The following SERPINB12 variants were observed in gnomAD, a reference collection of about 807,000 sequenced individuals.
SERPINB12 encodes serpin family B member 12.
Under a neutral mutation model 41.1 loss-of-function variants are expected in SERPINB12, and 57 were observed. The ratio of observed to expected loss-of-function variants is 1.39; its 90% CI spans 1.12 to 1.73. SERPINB12 has a LOEUF of 1.73. Among genes scored for constraint, SERPINB12 ranks in the 40% most tolerant of loss-of-function variants. The pLI, the probability that SERPINB12 is intolerant of heterozygous loss-of-function variation, is 0.00. For missense variants in SERPINB12, 536 were observed against 501.9 expected (o/e 1.07, Z -0.65); for synonymous variants, 180 against 181.3 (o/e 0.99, Z 0.06).
rs528811994 is a variant in SERPINB12 at position 63,568,725 on chromosome 18, C to T, written c.*1714C>T. Among the ~76,000 whole-genome samples the T allele has an allele frequency of 1.3e-4, 20 of 152,272 alleles. No individual in the cohort carries two copies. Among genetic ancestry groups the T allele is most frequent in the African/African-American group, 4.8e-4 (20 of 41,554 alleles). On this transcript the variant is annotated 3_prime_UTR_variant, in exon 8 of 8. Transcript: ENST00000382768. ...TGCCACCAGTCGTTCAGTGTGGCCA[C>T]GCAGTTTTTTTGCAGAAGGCAGGTG...
chr18:63,539,217 C>T (rs1910227840), upstream of SERPINB12, among the ~76,000 whole-genome samples: 1 of 152,098 alleles, frequency 6.6e-6, no homozygotes. Context: ...CCAAGGCCCT[C>T]CCAAAGGCTC....
At chr18:63,566,086 AG>A (rs1288677428) in intron 7 of SERPINB12, among the ~76,000 whole-genome samples, 2 of 152,238 alleles carry the variant, frequency 1.3e-5, no homozygotes, top group African/African-American at 4.8e-5. Flanking sequence ...GGAGAAGCTC[AG>A]CTACAGATTG....
intron 2 of SERPINB12, among the ~76,000 whole-genome samples, chr18:63,556,630 A>G (rs990376827): frequency 2.0e-5 from 3 of 152,000 alleles, no homozygotes; most frequent in African/African-American, 7.3e-5. Context: ...CTTTTACTCT[A>G]TGATTGCTAA....
chr18:63,521,043 A>G, the SERPINB12 span, among the ~76,000 whole-genome samples: 1 of 152,222 alleles, frequency 6.6e-6, no homozygotes, highest in Non-Finnish European at 1.5e-5. Flanking sequence ...ATCAATACCA[A>G]GGGTGGCATC....
chr18:63,535,696 T>G, the SERPINB12 span, among the ~76,000 whole-genome samples: 1 of 152,204 alleles, frequency 6.6e-6, no homozygotes, highest in Non-Finnish European at 1.5e-5. Context: ...CTGTGGATTA[T>G]GTTACATTTC....
chr18:63,528,831 C>A, the SERPINB12 span, among the ~76,000 whole-genome samples: 6 of 152,254 alleles, frequency 3.9e-5, no homozygotes, highest in African/African-American at 1.2e-4. Context: ...CCAAAAAAGA[C>A]TTTATAGTCT....
At chr18:63,564,803 G>C (rs1014347116) in intron 6 of SERPINB12, among the ~76,000 whole-genome samples, 15 of 152,204 alleles carry the variant, frequency 9.9e-5, no homozygotes, top group African/African-American at 3.6e-4. Flanking sequence ...GCCCTACAGT[G>C]GGACAGCTGG....
chr18:63,553,541 TTTC>T (rs1910586567), intron 1 of SERPINB12, among the ~76,000 whole-genome samples: 1 of 152,188 alleles, frequency 6.6e-6, no homozygotes, highest in African/African-American at 2.4e-5. Context: ...TCATTCAGTC[TTTC>T]TAACCAACCC....
the SERPINB12 span, among the ~76,000 whole-genome samples, chr18:63,532,992 T>A: frequency 6.6e-6 from 1 of 152,296 alleles, no homozygotes; most frequent in East Asian, 1.9e-4. Context: ...TTCTTCTTTT[T>A]TTTCGAGACA....
At chr18:63,521,272 A>G in the SERPINB12 span, among the ~76,000 whole-genome samples, 1 of 152,136 alleles carries the variant, frequency 6.6e-6, no homozygotes, top group Non-Finnish European at 1.5e-5. Context: ...GATTCTGACA[A>G]CGTTCACATT....
intron 1 of SERPINB12, among the ~76,000 whole-genome samples, chr18:63,551,746 AT>A (rs1355557528): frequency 7.9e-5 from 12 of 152,158 alleles, no homozygotes; most frequent in Admixed American, 5.9e-4. Context: ...TTACAATTAC[AT>A]TTTGGTATTG....
At chr18:63,519,725 C>T in the SERPINB12 span, among the ~76,000 whole-genome samples, 9,182 of 152,168 alleles carry the variant, frequency 0.06, 581 homozygotes, top group East Asian at 0.29. Context: ...CTTGTTGTCA[C>T]GAGATGCCTC....
intron 1 of SERPINB12, among the ~76,000 whole-genome samples, chr18:63,546,558 C>A (rs1351747914): frequency 1.3e-5 from 2 of 152,046 alleles, no homozygotes; most frequent in South Asian, 2.1e-4. Flanking sequence ...TAGAATAATG[C>A]AAAAATTCAA....
chr18:63,536,022 CA>C, the SERPINB12 span, among the ~76,000 whole-genome samples: 1 of 151,570 alleles, frequency 6.6e-6, no homozygotes, highest in African/African-American at 2.4e-5. Flanking sequence ...GTATTCAGAA[CA>C]TATAAATATT....
At chr18:63,551,035 C>T (rs990960033) in intron 1 of SERPINB12, among the ~76,000 whole-genome samples, 9 of 151,958 alleles carry the variant, frequency 5.9e-5, no homozygotes, top group Non-Finnish European at 1.2e-4. Context: ...TTTGGGAGGC[C>T]GAGGTGGGCA....
At chr18:63,528,312 C>T in the SERPINB12 span, among the ~76,000 whole-genome samples, 1 of 151,830 alleles carries the variant, frequency 6.6e-6, no homozygotes, top group East Asian at 1.9e-4. Flanking sequence ...AAATTTTGAA[C>T]AGATAGCTGG....
the SERPINB12 span, among the ~76,000 whole-genome samples, chr18:63,524,504 G>A: frequency 4.0e-3 from 615 of 152,190 alleles, 7 homozygotes; most frequent in African/African-American, 0.014. Context: ...TGGCCAGGCT[G>A]ATCTTGAACT....
At chr18:63,534,358 A>C in the SERPINB12 span, among the ~76,000 whole-genome samples, 1 of 152,230 alleles carries the variant, frequency 6.6e-6, no homozygotes, top group Admixed American at 6.5e-5. Context: ...GTGGGGAGTT[A>C]CTAAAGTTAA....
the SERPINB12 span, among the ~76,000 whole-genome samples, chr18:63,529,080 A>C: frequency 6.6e-6 from 1 of 152,182 alleles, no homozygotes; most frequent in Non-Finnish European, 1.5e-5. Context: ...TCTGGACACT[A>C]TGATGTCAGA....
Sources: allele counts gnomAD v4.1 joint callset (sites outside exome capture counted in the v4.1 genomes callset), GRCh38; gene constraint gnomAD v4.1.1; transcripts MANE v1.5; gene names NCBI Gene and HGNC (gene_info 2026-07-23, HGNC 2026-07-21).